PTPRK: variants seen among roughly 807,000 people sequenced by gnomAD.
PTPRK encodes the protein protein tyrosine phosphatase receptor type K.
In PTPRK, 75 loss-of-function variants were observed where a neutral mutation model predicts 178.0. The ratio of observed to expected loss-of-function variants is 0.42; its 90% CI spans 0.35 to 0.51. The LOEUF is 0.51. Ranked by LOEUF, PTPRK falls within the 20% of genes least tolerant of loss-of-function variation. The pLI is 0.02. For synonymous variants in PTPRK, 637 were observed against 620.6 expected (o/e 1.03, Z -0.39); for missense variants, 1,441 against 1,797.8 (o/e 0.80, Z 3.59).
At chr6:128,103,542 T>A (rs1789149371) in intron 7 of PTPRK, among the ~76,000 whole-genome samples, 1 of 152,160 alleles carries the variant, frequency 6.6e-6, no homozygotes, top group Non-Finnish European at 1.5e-5. Flanking sequence ...CATCTGCATG[T>A]TCCCCCTCCT....
At chr6:128,151,323 C>T (rs1362103141) in intron 7 of PTPRK, among the ~76,000 whole-genome samples, 2 of 151,736 alleles carry the variant, frequency 1.3e-5, no homozygotes, top group Non-Finnish European at 2.9e-5. Flanking sequence ...TGTATATTGC[C>T]ACAAAAAATT....
chr6:128,292,504 T>C (rs1329918929), intron 3 of PTPRK, among the ~76,000 whole-genome samples: 5 of 152,138 alleles, frequency 3.3e-5, no homozygotes, highest in African/African-American at 4.8e-5. Flanking sequence ...CCTTTGGAAA[T>C]ACTGGTTTCT....
chr6:128,078,848 C>A lies in PTPRK; in HGVS notation c.1848G>T (p.Leu616Phe). The A allele has an allele frequency of 6.2e-7, 1 of 1,612,274 alleles. No individual in the cohort carries two copies. Residue 616 changes from leucine (L) to phenylalanine (F), a missense_variant, in exon 11 of 30, where the codon TTG becomes TTT. Transcript: ENST00000368226. Reference sequence around the variant, plus strand: ...CACCTTTGGCTTGTGCTGGTCTCAACAATACAGTTATTGTGGTGGCAGTTT... The same window carrying A: ...CACCTTTGGCTTGTGCTGGTCTCAAAAATACAGTTATTGTGGTGGCAGTTT... ...LNETATTITVLLRPAQAKGAP... is the reference protein window; with the variant it reads ...LNETATTITVFLRPAQAKGAP...
At chr6:128,400,199 A>G (rs1248879229) in intron 1 of PTPRK, among the ~76,000 whole-genome samples, 3 of 152,182 alleles carry the variant, frequency 2.0e-5, no homozygotes, top group Non-Finnish European at 2.9e-5. Flanking sequence ...TCCACAGAAC[A>G]TTAAAGAATT....
At chr6:128,484,157 AT>A (rs1487868747) in intron 1 of PTPRK, among the ~76,000 whole-genome samples, 3 of 151,708 alleles carry the variant, frequency 2.0e-5, no homozygotes, top group African/African-American at 7.3e-5. Context: ...AAAATCCCCC[AT>A]TTTTTTCTCA....
At chr6:127,991,198 T>A in intron 20 of PTPRK, 96 bp downstream of exon 20, 1 of 948,606 alleles carries the variant, frequency 1.1e-6, no homozygotes, top group Non-Finnish European at 1.5e-6. Flanking sequence ...TAATTTTTTT[T>A]AAACAATTGG....
intron 1 of PTPRK, among the ~76,000 whole-genome samples, chr6:128,474,712 C>T (rs907078982): frequency 1.3e-5 from 2 of 152,068 alleles, no homozygotes; most frequent in African/African-American, 2.4e-5. Context: ...TTTTTCTTTG[C>T]AGCAAAATGT....
intron 2 of PTPRK, among the ~76,000 whole-genome samples, chr6:128,327,745 T>C (rs928127224): frequency 2.0e-5 from 3 of 152,214 alleles, no homozygotes; most frequent in East Asian, 3.9e-4. Flanking sequence ...AAATGTAATA[T>C]AAAGAATTAC....
At chr6:128,359,821 G>A (rs915239877) in intron 2 of PTPRK, among the ~76,000 whole-genome samples, 2 of 151,952 alleles carry the variant, frequency 1.3e-5, no homozygotes, top group African/African-American at 4.8e-5. Flanking sequence ...GTGAAAGAGC[G>A]TTTGCCTACT....
chr6:128,491,662 G>A, intron 1 of PTPRK: 1 of 448,660 alleles, frequency 2.2e-6, no homozygotes, highest in South Asian at 1.6e-5. Flanking sequence ...GCACTCATGT[G>A]AACACCAAAA....
At chr6:128,383,844 C>G (rs1001358554) in intron 2 of PTPRK, among the ~76,000 whole-genome samples, 1 of 152,040 alleles carries the variant, frequency 6.6e-6, no homozygotes, top group Admixed American at 6.6e-5. Context: ...AGTAATAAGT[C>G]AAAATCATTA....
intron 13 of PTPRK, among the ~76,000 whole-genome samples, chr6:128,054,812 T>C (rs1779627025): frequency 6.6e-6 from 1 of 152,178 alleles, no homozygotes; most frequent in Admixed American, 6.5e-5. Context: ...GGAGAACACT[T>C]AGCACAGAGA....
intron 7 of PTPRK, among the ~76,000 whole-genome samples, chr6:128,182,859 T>G (rs1012046462): frequency 3.3e-5 from 5 of 152,104 alleles, no homozygotes; most frequent in African/African-American, 7.2e-5. Flanking sequence ...TTACATTATA[T>G]TAACAATACA....
chr6:128,327,007 C>A (rs1413900123), intron 2 of PTPRK, among the ~76,000 whole-genome samples: 1 of 151,270 alleles, frequency 6.6e-6, no homozygotes, highest in African/African-American at 2.4e-5. Flanking sequence ...TTTCAAAAAA[C>A]ACAATACAAA....
chr6:128,333,053 A>G (rs1226623049), intron 2 of PTPRK, among the ~76,000 whole-genome samples: 1 of 152,256 alleles, frequency 6.6e-6, no homozygotes, highest in Admixed American at 6.5e-5. Flanking sequence ...AAGCAACTTA[A>G]GAGAAAATAA....
intron 1 of PTPRK, among the ~76,000 whole-genome samples, chr6:128,407,630 T>TGACA: frequency 6.0e-5 from 1 of 16,654 alleles, no homozygotes; most frequent in East Asian, 1.4e-3. Context: ...AGCAAGACCC[T>TGACA]ATCAAAAAAA....
intron 2 of PTPRK, among the ~76,000 whole-genome samples, chr6:128,381,889 C>G (rs920578612): frequency 6.6e-6 from 1 of 151,856 alleles, no homozygotes; most frequent in South Asian, 2.1e-4. Flanking sequence ...TCAGATTTAA[C>G]AGAAATTAAT....
chr6:128,422,676 C>CAAAAAAAAAAAAAAAAA (rs750423577), intron 1 of PTPRK, among the ~76,000 whole-genome samples: 1 of 14,704 alleles, frequency 6.8e-5, no homozygotes, highest in African/African-American at 1.7e-4. Flanking sequence ...TTCACGGACG[C>CAAAAAAAAAAAAAAAAA]AAAAAAAAAA....
intron 2 of PTPRK, among the ~76,000 whole-genome samples, chr6:128,378,703 C>T (rs1415974158): frequency 6.6e-6 from 1 of 152,016 alleles, no homozygotes; most frequent in Non-Finnish European, 1.5e-5. Context: ...CCAAAGAATA[C>T]TATGTGAAAT....
Sources: gnomAD v4.1 joint callset for allele counts (sites outside exome capture counted in the v4.1 genomes callset) on GRCh38, gnomAD v4.1.1 for gene constraint, MANE v1.5 for transcripts, NCBI Gene and HGNC (gene_info 2026-07-23, HGNC 2026-07-21) for gene names.